MAGI2: variants seen among roughly 807,000 people sequenced by gnomAD.
MAGI2 encodes membrane associated guanylate kinase, WW and PDZ domain containing 2, also known as membrane-associated guanylate kinase, WW and PDZ domain-containing protein 2.
MAGI2 carries 35 observed loss-of-function variants against 133.3 expected under a neutral mutation model. The ratio of observed to expected loss-of-function variants is 0.26; its 90% CI spans 0.20 to 0.35. MAGI2 has a LOEUF of 0.35. Among genes scored for constraint, MAGI2 ranks in the 10% least tolerant of loss-of-function variants. The probability of loss-of-function intolerance (pLI) is 1.00; values close to 1 mark genes in which losing one functional copy is unlikely to be tolerated. For synonymous variants in MAGI2, 729 were observed against 710.6 expected (o/e 1.03, Z -0.41); for missense variants, 1,636 against 1,863.4 (o/e 0.88, Z 2.25).
chr7:78,817,935 C>G (rs928440363), intron 2 of MAGI2, among the ~76,000 whole-genome samples: 1 of 151,936 alleles, frequency 6.6e-6, no homozygotes, highest in Non-Finnish European at 1.5e-5. Context: ...GGAAACATAA[C>G]TTTTATACAT....
chr7:78,616,597 G>A (rs1807123456), intron 3 of MAGI2: 1 of 152,080 alleles, frequency 6.6e-6, no homozygotes, highest in Non-Finnish European at 1.5e-5. Flanking sequence ...TAAAGTGAGA[G>A]GGAAACATGT....
intron 2 of MAGI2, among the ~76,000 whole-genome samples, chr7:78,761,882 C>T (rs998419036): frequency 7.2e-5 from 11 of 151,988 alleles, no homozygotes; most frequent in Non-Finnish European, 1.6e-4. Flanking sequence ...AAAGATAAGA[C>T]ATCTCTCCTC....
At chr7:79,357,756 T>C (rs1842119681) in intron 1 of MAGI2, among the ~76,000 whole-genome samples, 1 of 152,208 alleles carries the variant, frequency 6.6e-6, no homozygotes, top group African/African-American at 2.4e-5. Context: ...TAAGTGTATA[T>C]ACCTACCATT....
chr7:78,710,436 T>C (rs1563389916), intron 2 of MAGI2, among the ~76,000 whole-genome samples: 1 of 152,122 alleles, frequency 6.6e-6, no homozygotes, highest in Admixed American at 6.6e-5. Context: ...ATTAACCCCA[T>C]CAAAGAATGT....
chr7:79,432,654 T>C lies in MAGI2; in HGVS notation c.301+20366A>G, dbSNP rs181336490. ...GATGCTGCCCAGGAGGGCTGCCTGT[T>C]GGGTTAAGGGGACAGCCTCAGAAAG... On this transcript the variant is annotated intron_variant, in intron 1 of 21. Transcript: ENST00000354212. Among the ~76,000 whole-genome samples, 8 of 152,248 alleles carry C rather than the reference T, an allele frequency of 5.3e-5. No homozygotes were observed. In the East Asian group the frequency reaches 1.2e-3, roughly 22 times the overall value.
Position 78,019,372 on chromosome 7 carries a change from C to A in MAGI2, c.4311G>T (p.Pro1437=). 6.9e-7 allele frequency: 1 copy of A among 1,444,368 alleles called. No individual in the cohort carries two copies. Among genetic ancestry groups the A allele is most frequent in the South Asian group, 1.3e-5 (1 of 74,128 alleles). The allele number at this position is 1,444,368 out of a possible 1,614,324, so 89.5% of individuals were successfully genotyped here. A position where few individuals can be genotyped will look rare whatever the true frequency, so the allele number is the denominator to read the frequency against. Residue 1437 remains proline, a synonymous_variant, in exon 22 of 22, where the codon CCG becomes CCT. Coordinates refer to ENST00000354212, the MANE Select transcript of MAGI2 (RefSeq NM_012301.4). The stretch of plus-strand genomic sequence containing the variant: ...GGACGCTGGGCAGCTTGTCAGAACC[C>A]GGCACCTTCCAGGGCCCCGGCGCGA... The part of the protein sequence containing the change: ...AAVAPGPWKV[P]GSDKLPSVLK...
chr7:78,692,288 A>G (rs1817046349), intron 2 of MAGI2, among the ~76,000 whole-genome samples: 1 of 152,182 alleles, frequency 6.6e-6, no homozygotes, highest in Non-Finnish European at 1.5e-5. Flanking sequence ...TCATAAAAGA[A>G]GAGACTGAAT....
At chr7:78,735,995 A>G (rs763367970) in intron 2 of MAGI2, among the ~76,000 whole-genome samples, 2 of 152,224 alleles carry the variant, frequency 1.3e-5, no homozygotes, top group Non-Finnish European at 2.9e-5. Context: ...GTACTAAGTG[A>G]TGTTCTGAAA....
chr7:79,081,772 T>C (rs1343588070), intron 1 of MAGI2, among the ~76,000 whole-genome samples: 1 of 152,068 alleles, frequency 6.6e-6, no homozygotes, highest in East Asian at 1.9e-4. Flanking sequence ...ACTTTTTCCA[T>C]ATGGGATGAC....
At chr7:78,975,480 G>A (rs1380920280) in intron 2 of MAGI2, among the ~76,000 whole-genome samples, 1 of 151,364 alleles carries the variant, frequency 6.6e-6, no homozygotes, top group Non-Finnish European at 1.5e-5. Context: ...GAACTAAATG[G>A]GAATGAAAAT....
At chr7:79,041,505 C>T (rs1419675380) in intron 1 of MAGI2, among the ~76,000 whole-genome samples, 2 of 151,906 alleles carry the variant, frequency 1.3e-5, no homozygotes, top group Non-Finnish European at 2.9e-5. Context: ...TGTACTTATG[C>T]TTGAGTAATA....
intron 7 of MAGI2, among the ~76,000 whole-genome samples, chr7:78,346,960 T>G (rs1419505783): frequency 6.6e-6 from 1 of 152,192 alleles, no homozygotes; most frequent in Non-Finnish European, 1.5e-5. Context: ...AGTTACTATG[T>G]ATAGTTTTCC....
At chr7:78,938,829 G>A (rs1800746682) in intron 2 of MAGI2, among the ~76,000 whole-genome samples, 1 of 152,132 alleles carries the variant, frequency 6.6e-6, no homozygotes, top group Non-Finnish European at 1.5e-5. Flanking sequence ...CCTTTATTGA[G>A]TTTACACTTC....
At chr7:78,603,906 C>T (rs1200539406) in intron 3 of MAGI2, among the ~76,000 whole-genome samples, 1 of 152,180 alleles carries the variant, frequency 6.6e-6, no homozygotes, top group Non-Finnish European at 1.5e-5. Context: ...TGAACACCTA[C>T]TATATGACAG....
chr7:78,435,273 T>C (rs188066004), intron 6 of MAGI2, among the ~76,000 whole-genome samples: 10 of 152,292 alleles, frequency 6.6e-5, no homozygotes, highest in Admixed American at 2.0e-4. Flanking sequence ...ATGCTCTTCA[T>C]TGAACAGATA....
intron 1 of MAGI2, among the ~76,000 whole-genome samples, chr7:79,153,386 CA>C (rs1289011651): frequency 6.6e-6 from 1 of 151,962 alleles, no homozygotes; most frequent in African/African-American, 2.4e-5. Flanking sequence ...AGGGTGCAGG[CA>C]ATAATAAAAT....
chr7:79,279,024 C>T (rs921239620), intron 1 of MAGI2, among the ~76,000 whole-genome samples: 1 of 152,038 alleles, frequency 6.6e-6, no homozygotes, highest in Non-Finnish European at 1.5e-5. Context: ...TAGCAAAGGT[C>T]CCCCAGCTGA....
chr7:78,379,678 TC>T (rs1794744371), intron 6 of MAGI2, among the ~76,000 whole-genome samples: 1 of 152,004 alleles, frequency 6.6e-6, no homozygotes, highest in African/African-American at 2.4e-5. Context: ...ACTAGGCAGA[TC>T]TTGTGGCTCT....
In MAGI2 at chr7:78,366,209, T is replaced by C. The variant is rs532121528; in HGVS notation, c.1103+2947A>G. On this transcript the variant is annotated intron_variant, in intron 7 of 21. Coordinates refer to ENST00000354212, the MANE Select transcript of MAGI2 (RefSeq NM_012301.4). ...TATATATTAACACAAAAGATATTGCTTGTTATATTAACTAAATATTAATAT... is the reference window on the plus strand; with the variant it reads ...TATATATTAACACAAAAGATATTGCCTGTTATATTAACTAAATATTAATAT... Among the ~76,000 whole-genome samples, 57 of 152,246 alleles carry C rather than the reference T, an allele frequency of 3.7e-4. No homozygotes were observed. In the South Asian group the frequency reaches 0.011, roughly 29 times the overall value.
Sources: allele counts gnomAD v4.1 joint callset (sites outside exome capture counted in the v4.1 genomes callset), GRCh38; gene constraint gnomAD v4.1.1; transcripts MANE v1.5; gene names NCBI Gene and HGNC (gene_info 2026-07-23, HGNC 2026-07-21).